The following TTC32 variants were observed in gnomAD, a reference collection of about 807,000 sequenced individuals.
TTC32 encodes the protein tetratricopeptide repeat domain 32, also known as tetratricopeptide repeat protein 32.
In TTC32, 16 loss-of-function variants were observed where a neutral mutation model predicts 15.3. The ratio of observed to expected loss-of-function variants is 1.05; its 90% confidence interval spans 0.71 to 1.59. TTC32 has a LOEUF of 1.59. TTC32 is among the 40% of genes most tolerant of loss of function. TTC32 has a pLI of 0.00. For synonymous variants in TTC32, 89 were observed against 67.8 expected (o/e 1.31, Z -1.53); for missense variants, 188 against 181.9 (o/e 1.03, Z -0.19).
chr2:19,901,485 A>T, intron 1 of TTC32: 1 of 575,086 alleles, frequency 1.7e-6, no homozygotes, highest in South Asian at 2.4e-5. Context: ...CCGTCGCGGC[A>T]GCTGGCTCCT....
chr2:19,901,656 A>G (rs897409900), intron 1 of TTC32, 50 bp downstream of exon 1: 1 of 1,583,526 alleles, frequency 6.3e-7, no homozygotes, highest in Non-Finnish European at 8.6e-7. Flanking sequence ...AACAACCCCA[A>G]CGTCGCCTCC....
intron 1 of TTC32, chr2:19,901,231 C>T (rs1428980733): frequency 2.1e-5 from 7 of 333,182 alleles, no homozygotes; most frequent in Admixed American, 1.2e-4. Context: ...TGAAAAACAC[C>T]ACCAAGAGCC....
At position 19,901,783 on chromosome 2, in the gene TTC32, G is replaced by C; in HGVS notation, c.72C>G (p.Tyr24Ter). The change falls in exon 1 of 3, where the codon TAC (tyrosine) becomes TAG (stop). Residue 24 changes from tyrosine to a stop codon, truncating the protein, a stop_gained. Coordinates refer to ENST00000333610, the MANE Select transcript of TTC32 (RefSeq NM_001008237.3). LOFTEE classifies it high-confidence loss of function. Reference protein sequence around the residue: ...LAQAHFNNGEYAEAEALYSAY... With the variant: ...LAQAHFNNGE ...CGGAGTACAGTGCCTCGGCCTCCGC[G>C]TACTCTCCATTGTTGAAATGAGCCT... The C allele has an allele frequency of 6.2e-7, 1 of 1,614,210 alleles. No homozygotes were observed. Among genetic ancestry groups the C allele is most frequent in the Non-Finnish European group, 8.5e-7 (1 of 1,180,028 alleles).
At position 19,901,891 on chromosome 2, in the gene TTC32, T is replaced by C. The variant is rs1370352221; in HGVS notation, c.-37A>G. 3.1e-6 allele frequency: 5 copies of C among 1,612,142 alleles called. No homozygotes were observed. Among genetic ancestry groups the C allele is most frequent in the South Asian group, 1.1e-5 (1 of 90,884 alleles). ...CCTAGTTTTCGGTGTAGAATGGGGG[T>C]TGACCTCCGAGCGGTTAGAGGTGGC... On this transcript the variant is annotated 5_prime_UTR_variant, in exon 1 of 3. Coordinates refer to ENST00000333610, the MANE Select transcript of TTC32 (RefSeq NM_001008237.3).
rs1030736127 is a variant in TTC32 at position 19,901,934 on chromosome 2, A to G, written c.-80T>C. ...GAGGTGGCACCACAAAGCCACTTCC[A>G]CACCCTGGAATCTACCTTGACAGCC... On this transcript the variant is annotated 5_prime_UTR_variant, in exon 1 of 3. Transcript: ENST00000333610. The G allele has an allele frequency of 6.4e-7, 1 of 1,553,310 alleles. No homozygotes were observed. Among genetic ancestry groups the G allele is most frequent in the African/African-American group, 1.4e-5 (1 of 73,680 alleles).
chr2:19,899,186 G>A (rs1669558920), intron 1 of TTC32, among the ~76,000 whole-genome samples: 1 of 152,132 alleles, frequency 6.6e-6, no homozygotes, highest in South Asian at 2.1e-4. Context: ...TTTAGAAAAC[G>A]TCTATTCTAT....
At chr2:19,897,747 T>A (rs1316347651) in intron 2 of TTC32, 122 bp downstream of exon 2, 2 of 823,302 alleles carry the variant, frequency 2.4e-6, no homozygotes, top group Non-Finnish European at 3.6e-6. Context: ...TGTTCCAAGC[T>A]CTAAACCTAA....
Position 19,901,747 on chromosome 2 carries a change from G to C in TTC32, c.108C>G (p.Arg36=), listed in dbSNP as rs527650930. 1 of 1,613,574 alleles carries C rather than the reference G, an allele frequency of 6.2e-7. No individual in the cohort carries two copies. Among genetic ancestry groups the C allele is most frequent in the African/African-American group, 1.3e-5 (1 of 75,048 alleles). The change falls in exon 1 of 3, where the codon CGC becomes CGG. Residue 36 remains arginine, a synonymous_variant. Coordinates refer to ENST00000333610, the MANE Select transcript of TTC32 (RefSeq NM_001008237.3). ...CGCTGGAGGCCGCGCAAGCGCACCG[G>C]CGAATGTAAGCGGAGTACAGTGCCT... ...EAEALYSAYI[R]RCACAASSDE...
At position 19,901,967 on chromosome 2, in the gene TTC32, G is replaced by C. The variant is rs1572293300; in HGVS notation, c.-113C>G. ...GAATCTACCTTGACAGCCAACCTTG[G>C]CGCTAGGTTTGTGCCTTATGGGGAT... On this transcript the variant is annotated 5_prime_UTR_variant, in exon 1 of 3. Coordinates refer to ENST00000333610, the MANE Select transcript of TTC32 (RefSeq NM_001008237.3). 7.2e-7 allele frequency: 1 copy of C among 1,381,940 alleles called. No homozygotes were observed. Among genetic ancestry groups the C allele is most frequent in the African/African-American group, 1.4e-5 (1 of 69,856 alleles). 85.6% of individuals were successfully genotyped at this position (1,381,940 alleles called of 1,614,324 possible). A position where few individuals can be genotyped will look rare whatever the true frequency, so the allele number is the denominator to read the frequency against.
intron 1 of TTC32, 34 bp downstream of exon 1, chr2:19,901,672 G>A: frequency 6.3e-7 from 1 of 1,598,276 alleles, no homozygotes; most frequent in Non-Finnish European, 8.5e-7. Context: ...CCTCCACCCG[G>A]GGTCGCCGCG....
At chr2:19,899,890 G>A (rs910704605) in intron 1 of TTC32, among the ~76,000 whole-genome samples, 3 of 152,090 alleles carry the variant, frequency 2.0e-5, no homozygotes, top group Non-Finnish European at 4.4e-5. Flanking sequence ...GAAAATAAAT[G>A]TAAGCTCCAA....
At chr2:19,898,158 T>C in intron 1 of TTC32, 123 bp from the exon 2 acceptor site, 1 of 886,226 alleles carries the variant, frequency 1.1e-6, no homozygotes, top group Admixed American at 3.0e-5. Flanking sequence ...ACACTGAAAA[T>C]CCAAGCTGAA....
intron 1 of TTC32, chr2:19,901,152 T>C (rs1425886475): frequency 2.2e-6 from 1 of 459,496 alleles, no homozygotes; most frequent in Non-Finnish European, 4.5e-6. Context: ...CTGATAATGC[T>C]TAAGCCAAGT....
intron 1 of TTC32, among the ~76,000 whole-genome samples, chr2:19,900,052 G>A (rs1195315774): frequency 6.6e-6 from 1 of 152,210 alleles, no homozygotes; most frequent in Non-Finnish European, 1.5e-5. Context: ...CAGGCATGAT[G>A]AACTCCCTTC....
intron 1 of TTC32, among the ~76,000 whole-genome samples, chr2:19,899,725 G>C (rs928716247): frequency 1.3e-5 from 2 of 150,256 alleles, no homozygotes; most frequent in African/African-American, 4.9e-5. Flanking sequence ...TATATATAAA[G>C]TGTGTGTATA....
Position 19,896,927 on chromosome 2 carries a change from A to G in TTC32, c.*60T>C, listed in dbSNP as rs1572290689. 10 of 1,402,868 alleles carry G rather than the reference A, an allele frequency of 7.1e-6. No individual in the cohort carries two copies. The East Asian group carries it at 2.4e-4, about 34-fold the overall frequency. 86.9% of individuals were successfully genotyped at this position (1,402,868 alleles called of 1,614,324 possible). On this transcript the variant is annotated 3_prime_UTR_variant, in exon 3 of 3. Transcript: ENST00000333610. ...ATCAAAATAGCTCAATATCTAAATT[A>G]CTGATAACTAGATGCAGATGTAAGG...
At chr2:19,899,499 C>T (rs555466556) in intron 1 of TTC32, among the ~76,000 whole-genome samples, 4 of 151,766 alleles carry the variant, frequency 2.6e-5, no homozygotes, top group Non-Finnish European at 5.9e-5. Context: ...ATTCTAAAAT[C>T]GTTTTCATGT....
chr2:19,901,571 G>T, intron 1 of TTC32, 135 bp downstream of exon 1: 1 of 1,242,930 alleles, frequency 8.0e-7, no homozygotes, highest in Non-Finnish European at 1.1e-6. Context: ...AAAGACGAAC[G>T]TCCGCCCGCT....
At position 19,901,813 on chromosome 2, in the gene TTC32, G is replaced by A. The variant is rs979695435; in HGVS notation, c.42C>T (p.Leu14=). 1.2e-6 allele frequency: 2 copies of A among 1,614,214 alleles called. No individual in the cohort carries two copies. The highest frequency in any genetic ancestry group is 2.2e-5 in the South Asian group (2 of 91,078). The change falls in exon 1 of 3, where the codon CTC becomes CTT. Residue 14 remains leucine, a synonymous_variant. Coordinates refer to ENST00000333610, the MANE Select transcript of TTC32 (RefSeq NM_001008237.3). The part of the protein sequence containing the change: ...QRQESHATLT[L]AQAHFNNGEY... ...CTCCATTGTTGAAATGAGCCTGGGC[G>A]AGTGTTAGGGTTGCGTGGCTTTCTT...
Sources: allele counts gnomAD v4.1 joint callset (sites outside exome capture counted in the v4.1 genomes callset), GRCh38; gene constraint gnomAD v4.1.1; transcripts MANE v1.5; gene names NCBI Gene and HGNC (gene_info 2026-07-23, HGNC 2026-07-21).